The following PCDH15 variants were observed in gnomAD, a reference collection of about 807,000 sequenced individuals.
The protein encoded by PCDH15 is protocadherin related 15.
PCDH15 carries 129 observed loss-of-function variants against 178.5 expected under a neutral mutation model. The observed-to-expected ratio is 0.72, with a 90% CI of 0.63 to 0.84. The LOEUF (loss-of-function observed/expected upper bound fraction) is 0.84, where lower values mean the gene tolerates loss of function less well. Among genes scored for constraint, PCDH15 ranks in the 40% least tolerant of loss-of-function variants. The pLI, the probability that PCDH15 is intolerant of heterozygous loss-of-function variation, is 0.00. For missense variants in PCDH15, 2,230 were observed against 2,099.9 expected, an observed-to-expected ratio of 1.06 and a Z score of -1.21; for synonymous variants, 800 against 732.0, an observed-to-expected ratio of 1.09 and a Z score of -1.50.
At chr10:55,344,869 G>C (rs1844704008) in intron 2 of PCDH15, among the ~76,000 whole-genome samples, 1 of 151,974 alleles carries the variant, frequency 6.6e-6, no homozygotes, top group Non-Finnish European at 1.5e-5. Context: ...TTGCACTCTG[G>C]GTCTGCCAGA....
Position 55,583,732 on chromosome 10 carries a change from C to A in PCDH15, c.-156+43893G>T, listed in dbSNP as rs548653475. On this transcript the variant is annotated intron_variant, in intron 2 of 5. Transcript: ENST00000613346. ...TACAGGCGTAAGCCACTGTGCCTGG[C>A]CAACAGTTATGTTATTGACACAGAG... Among the ~76,000 whole-genome samples the A allele has an allele frequency of 3.9e-5, 6 of 152,086 alleles. No homozygotes were observed. The East Asian group carries it at 1.2e-3, about 29-fold the overall frequency.
At chr10:54,027,361 C>T (rs1182358382) in intron 18 of PCDH15, among the ~76,000 whole-genome samples, 2 of 151,958 alleles carry the variant, frequency 1.3e-5, no homozygotes, top group Non-Finnish European at 2.9e-5. Context: ...AATGGCCATA[C>T]TGCCCAAAGT....
intron 14 of PCDH15, among the ~76,000 whole-genome samples, chr10:54,141,618 T>G (rs576945938): frequency 6.6e-6 from 1 of 152,280 alleles, no homozygotes; most frequent in African/African-American, 2.4e-5. Context: ...GGGATTTCTC[T>G]GAAACTACTT....
At chr10:55,452,425 A>T (rs1839455982) in intron 2 of PCDH15, among the ~76,000 whole-genome samples, 1 of 152,100 alleles carries the variant, frequency 6.6e-6, no homozygotes, top group South Asian at 2.1e-4. Context: ...TCCTGAATTC[A>T]CCTAGGAAGG....
chr10:55,230,379 C>T (rs1234251375), intron 1 of PCDH15, among the ~76,000 whole-genome samples: 4 of 152,016 alleles, frequency 2.6e-5, no homozygotes, highest in Non-Finnish European at 4.4e-5. Context: ...TACTCTTCTT[C>T]AGAGGCTTGT....
At chr10:54,182,903 T>C (rs576378648) in intron 13 of PCDH15, among the ~76,000 whole-genome samples, 5 of 152,288 alleles carry the variant, frequency 3.3e-5, no homozygotes, top group African/African-American at 1.2e-4. Context: ...CAAATAGCTA[T>C]GTTTACCTCT....
intron 23 of PCDH15, among the ~76,000 whole-genome samples, chr10:53,941,476 C>T (rs2086061037): frequency 6.6e-6 from 1 of 152,074 alleles, no homozygotes; most frequent in Admixed American, 6.6e-5. Flanking sequence ...ATTTAATGCT[C>T]CTCAACATCT....
intron 2 of PCDH15, among the ~76,000 whole-genome samples, chr10:55,340,668 G>A (rs1844530521): frequency 6.6e-6 from 1 of 151,840 alleles, no homozygotes; most frequent in African/African-American, 2.4e-5. Context: ...AAGCAGATCA[G>A]AAAATCAAGA....
chr10:54,474,997 G>A (rs78279280), intron 3 of PCDH15, among the ~76,000 whole-genome samples: 2,042 of 151,812 alleles, frequency 0.013, 33 homozygotes, highest in African/African-American at 0.047. Flanking sequence ...AGCCTATTCT[G>A]ATATGTTTTC....
chr10:55,231,467 T>C (rs1841221682), intron 1 of PCDH15, among the ~76,000 whole-genome samples: 1 of 151,968 alleles, frequency 6.6e-6, no homozygotes, highest in South Asian at 2.1e-4. Context: ...AGCTAATCCT[T>C]TGAGAATGCA....
At chr10:54,680,790 C>T (rs1565927472) in intron 1 of PCDH15, among the ~76,000 whole-genome samples, 1 of 152,096 alleles carries the variant, frequency 6.6e-6, no homozygotes, top group Non-Finnish European at 1.5e-5. Flanking sequence ...GTGAGGCCTC[C>T]CCAGCCATGT....
chr10:55,529,804 T>A (rs1230946472), intron 2 of PCDH15, among the ~76,000 whole-genome samples: 5 of 116,624 alleles, frequency 4.3e-5, no homozygotes, highest in Admixed American at 1.9e-4. Context: ...ACATATATGT[T>A]TTTGACAGTC....
intron 2 of PCDH15, among the ~76,000 whole-genome samples, chr10:54,568,374 T>C (rs1345183555): frequency 6.6e-6 from 1 of 152,060 alleles, no homozygotes; most frequent in Non-Finnish European, 1.5e-5. Context: ...ATCCCCTCCC[T>C]TTTTGTACAT....
chr10:55,214,568 T>C (rs1840653415), intron 1 of PCDH15, among the ~76,000 whole-genome samples: 1 of 151,308 alleles, frequency 6.6e-6, no homozygotes, highest in South Asian at 2.1e-4. Context: ...TTTTTTTTTG[T>C]GGGATGGGAA....
chr10:55,171,272 T>C (rs1253651773), intron 1 of PCDH15, among the ~76,000 whole-genome samples: 2 of 152,250 alleles, frequency 1.3e-5, no homozygotes, highest in African/African-American at 2.4e-5. Context: ...ACAGCTCTTC[T>C]ACTCTGTATA....
At chr10:54,933,052 T>C (rs1316721877) in intron 2 of PCDH15, among the ~76,000 whole-genome samples, 1 of 152,196 alleles carries the variant, frequency 6.6e-6, no homozygotes, top group East Asian at 1.9e-4. Context: ...TAACATTGTA[T>C]TACAATTGTC....
intron 2 of PCDH15, among the ~76,000 whole-genome samples, chr10:54,946,864 T>C (rs1485775460): frequency 2.0e-5 from 3 of 151,842 alleles, no homozygotes; most frequent in African/African-American, 4.8e-5. Flanking sequence ...CAGAGGTAAA[T>C]AGATAATTCA....
At chr10:53,845,033 A>T (rs76937397) in intron 28 of PCDH15, among the ~76,000 whole-genome samples, 5,904 of 152,092 alleles carry the variant, frequency 0.039, 359 homozygotes, top group African/African-American at 0.13. Context: ...TAAAAACCAA[A>T]TAATCCAATT....
intron 1 of PCDH15, among the ~76,000 whole-genome samples, chr10:55,178,390 C>A (rs72801685): frequency 0.12 from 17,615 of 152,154 alleles, 1,451 homozygotes; most frequent in Non-Finnish European, 0.17. Context: ...TGGGAATACA[C>A]CTTTCAGCCC....
Sources: allele counts gnomAD v4.1 joint callset (sites outside exome capture counted in the v4.1 genomes callset), GRCh38; gene constraint gnomAD v4.1.1; transcripts MANE v1.5; gene names NCBI Gene and HGNC (gene_info 2026-07-23, HGNC 2026-07-21).